The following CNTN4 variants were observed in gnomAD, a reference collection of about 807,000 sequenced individuals.
CNTN4 encodes the protein contactin 4, also known as contactin-4.
CNTN4 carries 77 observed loss-of-function variants against 122.5 expected under a neutral mutation model. The observed-to-expected ratio is 0.63, with a 90% CI of 0.52 to 0.76. The LOEUF is 0.76. Ranked by LOEUF, CNTN4 falls within the 30% of genes least tolerant of loss-of-function variation. The pLI is 0.00. For synonymous variants in CNTN4, 512 were observed against 447.0 expected, an observed-to-expected ratio of 1.15 and a Z score of -1.83; for missense variants, 1,256 against 1,259.1, an observed-to-expected ratio of 1.00 and a Z score of 0.04.
intron 3 of CNTN4, among the ~76,000 whole-genome samples, chr3:2,496,263 A>C (rs2076448510): frequency 6.6e-6 from 1 of 152,050 alleles, no homozygotes; most frequent in Non-Finnish European, 1.5e-5. Flanking sequence ...ATATTGATTT[A>C]ATTCTGCTTG....
chr3:2,777,942 C>T lies in CNTN4; in HGVS notation c.358+32245C>T, dbSNP rs560223303. 7.0e-4 allele frequency among the ~76,000 whole-genome samples: 106 copies of T among 152,060 alleles called. 1 individual carries two copies. The highest frequency in any genetic ancestry group is 2.4e-3 in the African/African-American group (98 of 41,452). On this transcript the variant is annotated intron_variant, in intron 6 of 24. Transcript: ENST00000418658. ...AATTTTAAGAAATAACTGCTGGGTG[C>T]GGTGGCTCATGCCTGTAATGCCAGC...
chr3:3,034,667 G>A lies in CNTN4; in HGVS notation c.1819G>A (p.Glu607Lys), dbSNP rs374090181. Residue 607 changes from glutamate to lysine, a missense_variant, in exon 17 of 25, where the codon GAA (glutamate) becomes AAA (lysine). By Grantham distance (56) the Glu-to-Lys change is moderately conservative (BLOSUM62 1). Coordinates refer to ENST00000418658, the MANE Select transcript of CNTN4 (RefSeq NM_175607.3). ...TCCCCCAGAGGCTGTGACAATAGAC[G>A]AAATCACAGATACCACTGCTCAGCT... ...PGPPEAVTID[E>K]ITDTTAQLSW... 27 of 1,614,058 alleles carry A rather than the reference G, an allele frequency of 1.7e-5. No homozygotes were observed. Among genetic ancestry groups the A allele is most frequent in the Middle Eastern group, 1.6e-4 (1 of 6,062 alleles).
At chr3:2,835,421 C>A (rs2093204548) in intron 7 of CNTN4, among the ~76,000 whole-genome samples, 1 of 152,024 alleles carries the variant, frequency 6.6e-6, no homozygotes, top group Admixed American at 6.5e-5. Flanking sequence ...TAATGATTGG[C>A]CTTTCTTAAT....
intron 4 of CNTN4, among the ~76,000 whole-genome samples, chr3:2,704,929 T>C (rs2086568286): frequency 6.6e-6 from 1 of 152,172 alleles, no homozygotes. Flanking sequence ...GCGTGAGTGA[T>C]GATAGGATCA....
chr3:2,889,801 G>T (rs2094018112), intron 10 of CNTN4, among the ~76,000 whole-genome samples: 1 of 152,104 alleles, frequency 6.6e-6, no homozygotes. Flanking sequence ...GAAATTTTCT[G>T]CAACCAGGGG....
At chr3:2,685,422 T>C (rs1290322788) in intron 4 of CNTN4, among the ~76,000 whole-genome samples, 1 of 152,162 alleles carries the variant, frequency 6.6e-6, no homozygotes, top group African/African-American at 2.4e-5. Context: ...ATTCTTTACC[T>C]GACTTTCTTG....
chr3:2,637,938 G>A (rs1232827782), intron 4 of CNTN4, among the ~76,000 whole-genome samples: 1 of 152,122 alleles, frequency 6.6e-6, no homozygotes, highest in Non-Finnish European at 1.5e-5. Flanking sequence ...ACCCATACCT[G>A]GAATCAGAAT....
At chr3:2,418,579 T>C (rs2047503214) in intron 3 of CNTN4, among the ~76,000 whole-genome samples, 1 of 152,182 alleles carries the variant, frequency 6.6e-6, no homozygotes, top group South Asian at 2.1e-4. Flanking sequence ...AGGCTGTAAT[T>C]TGGCGATTGC....
chr3:2,609,862 A>G (rs2081409865), intron 4 of CNTN4, among the ~76,000 whole-genome samples: 1 of 152,160 alleles, frequency 6.6e-6, no homozygotes, highest in Non-Finnish European at 1.5e-5. Context: ...GCAACTTTAT[A>G]TGTAGCACTT....
chr3:2,279,992 G>A (rs1175923877), intron 2 of CNTN4, among the ~76,000 whole-genome samples: 2 of 146,932 alleles, frequency 1.4e-5, no homozygotes, highest in Admixed American at 6.8e-5. Context: ...TAGATATAGA[G>A]CTAGGTATAG....
chr3:2,584,440 G>A lies in CNTN4; in HGVS notation c.55+12882G>A, dbSNP rs138156522. Among the ~76,000 whole-genome samples the A allele has an allele frequency of 9.2e-5, 14 of 151,968 alleles. No homozygotes were observed. The East Asian group carries it at 1.7e-3, about 19-fold the overall frequency. ...ATAGGTCTGCCGGGCACAGTGGCTCGTGCCTGTAATTCCAGCACTTTGTGA... is the reference window on the plus strand; with the variant it reads ...ATAGGTCTGCCGGGCACAGTGGCTCATGCCTGTAATTCCAGCACTTTGTGA... On this transcript the variant is annotated intron_variant, in intron 4 of 24. Coordinates refer to ENST00000418658, the MANE Select transcript of CNTN4 (RefSeq NM_175607.3).
intron 3 of CNTN4, among the ~76,000 whole-genome samples, chr3:2,558,018 A>C (rs1392100554): frequency 1.3e-5 from 2 of 152,206 alleles, no homozygotes; most frequent in Non-Finnish European, 2.9e-5. Flanking sequence ...CTGTATGTAC[A>C]TATCTTTCAA....
intron 12 of CNTN4, among the ~76,000 whole-genome samples, chr3:2,911,671 G>T (rs932581980): frequency 2.0e-5 from 3 of 152,028 alleles, no homozygotes; most frequent in Non-Finnish European, 2.9e-5. Flanking sequence ...AGTACAGATA[G>T]ATAACTAAAG....
chr3:2,605,586 C>T (rs1041355863), intron 4 of CNTN4, among the ~76,000 whole-genome samples: 2 of 151,840 alleles, frequency 1.3e-5, no homozygotes, highest in South Asian at 2.1e-4. Flanking sequence ...TTGCAGCAAT[C>T]GATGTAAGAT....
intron 6 of CNTN4, among the ~76,000 whole-genome samples, chr3:2,805,140 G>A (rs762900617): frequency 2.0e-5 from 3 of 151,992 alleles, no homozygotes; most frequent in East Asian, 1.9e-4. Context: ...CCGCACCATC[G>A]CACTCCAGCC....
chr3:2,539,057 T>C (rs2077927962), intron 3 of CNTN4, among the ~76,000 whole-genome samples: 1 of 152,114 alleles, frequency 6.6e-6, no homozygotes, highest in Non-Finnish European at 1.5e-5. Context: ...GAATTTGTGC[T>C]GTAGAACCTA....
At chr3:2,621,571 A>AAC (rs1236678489) in intron 4 of CNTN4, among the ~76,000 whole-genome samples, 1 of 152,038 alleles carries the variant, frequency 6.6e-6, no homozygotes, top group African/African-American at 2.4e-5. Context: ...GGGTGCAGCA[A>AAC]ACCACCATGG....
At chr3:2,652,901 A>G (rs981761657) in intron 4 of CNTN4, among the ~76,000 whole-genome samples, 2 of 152,134 alleles carry the variant, frequency 1.3e-5, no homozygotes, top group East Asian at 1.9e-4. Flanking sequence ...ATTCCTCTGA[A>G]TATTTCAAGT....
Position 2,100,581 on chromosome 3 carries a change from A to G in CNTN4, c.-203A>G, listed in dbSNP as rs1051004492. ...AGTGGGTGAAAAAGAACAGTGTGTC[A>G]TGAAGACAGGCACCTGGAGGTGATT... On this transcript the variant is annotated 5_prime_UTR_variant, in exon 2 of 25. An upstream start codon of the reference 5' UTR is lost. Coordinates refer to ENST00000418658, the MANE Select transcript of CNTN4 (RefSeq NM_175607.3). 5.9e-5 allele frequency: 9 copies of G among 152,190 alleles called. No homozygotes were observed. The highest frequency in any genetic ancestry group is 2.2e-4 in the African/African-American group (9 of 41,450). 9.4% of individuals were successfully genotyped at this position (152,190 alleles called of 1,614,324 possible).
Sources: gnomAD v4.1 joint callset for allele counts (sites outside exome capture counted in the v4.1 genomes callset) on GRCh38, gnomAD v4.1.1 for gene constraint, MANE v1.5 for transcripts, NCBI Gene and HGNC (gene_info 2026-07-23, HGNC 2026-07-21) for gene names.